The following CLHC1 variants were observed in gnomAD, a reference collection of about 807,000 sequenced individuals.
The protein encoded by CLHC1 is clathrin heavy chain linker domain-containing protein 1.
A neutral mutation model predicts 69.5 loss-of-function variants in CLHC1; 72 were observed. The ratio of observed to expected loss-of-function variants is 1.04; its 90% CI spans 0.86 to 1.26. CLHC1 has a LOEUF of 1.26. CLHC1 is among the 50% of genes most tolerant of loss of function. CLHC1 has a pLI of 0.00. For synonymous variants in CLHC1, 223 were observed against 224.3 expected (o/e 0.99, Z 0.05); for missense variants, 790 against 679.3 (o/e 1.16, Z -1.81).
At chr2:55,229,209 C>T (rs1226406395) in intron 1 of CLHC1, among the ~76,000 whole-genome samples, 1 of 143,102 alleles carries the variant, frequency 7.0e-6, no homozygotes. Context: ...TATAGTATGA[C>T]AGATAGGGGT....
intron 2 of CLHC1, among the ~76,000 whole-genome samples, chr2:55,227,677 C>CAA (rs372124703): frequency 0.43 from 54,343 of 127,270 alleles, 13,553 homozygotes; most frequent in East Asian, 0.56. Flanking sequence ...GACTCCATCT[C>CAA]AAAAAAAAAA....
chr2:55,217,584 T>TATATAC (rs1327305309), intron 4 of CLHC1, among the ~76,000 whole-genome samples: 4 of 96,268 alleles, frequency 4.2e-5, no homozygotes, highest in Admixed American at 1.3e-4. Context: ...TATATATATA[T>TATATAC]ACTAAGAGGT....
In CLHC1 at chr2:55,212,742, T is replaced by C; in HGVS notation, c.430A>G (p.Arg144Gly). The change falls in exon 5 of 13, where the codon AGG (arginine) becomes GGG (glycine). Residue 144 changes from arginine to glycine, a missense_variant. By Grantham distance (125) the Arg-to-Gly change is moderately radical. Coordinates refer to ENST00000401408, the MANE Select transcript of CLHC1 (RefSeq NM_152385.4). ...QSQIDHIKQC[R>G]AEYDTKEVKY... ...ACTTCTTTTGTGTCATACTCTGCCC[T>C]ACACTGCTTGATGTGATCTATTTGA... is the stretch of plus-strand genomic sequence containing the variant. 1.3e-6 allele frequency: 2 copies of C among 1,596,452 alleles called. No individual in the cohort carries two copies. Among genetic ancestry groups the C allele is most frequent in the Non-Finnish European group, 1.7e-6 (2 of 1,163,962 alleles).
intron 4 of CLHC1, among the ~76,000 whole-genome samples, chr2:55,214,143 G>C (rs967028827): frequency 6.6e-6 from 1 of 152,170 alleles, no homozygotes; most frequent in African/African-American, 2.4e-5. Flanking sequence ...GGGTTCAGGA[G>C]AGCCTGAGTA....
intron 11 of CLHC1, among the ~76,000 whole-genome samples, 177 bp downstream of exon 11, chr2:55,180,333 G>A (rs908679111): frequency 1.1e-4 from 16 of 152,000 alleles, no homozygotes; most frequent in African/African-American, 2.9e-4. Context: ...CAGCATGAAA[G>A]CCAATCAGCT....
chr2:55,215,690 C>T (rs1443237513), intron 4 of CLHC1, among the ~76,000 whole-genome samples: 1 of 152,072 alleles, frequency 6.6e-6, no homozygotes, highest in Middle Eastern at 3.4e-3. Context: ...CCAGGTGGAG[C>T]GATCTTGGGC....
Position 55,175,860 on chromosome 2 carries a change from G to C in CLHC1, c.1691C>G (p.Ser564Cys). The C allele has an allele frequency of 6.2e-7, 1 of 1,614,026 alleles. No homozygotes were observed. Among genetic ancestry groups the C allele is most frequent in the Non-Finnish European group, 8.5e-7 (1 of 1,179,934 alleles). ...LSNDITSILRSQAAVTEISEE... is the reference protein window; with the variant it reads ...LSNDITSILRCQAAVTEISEE... ...AGAAATTTCTGTAACTGCAGCCTGA[G>C]ATCGAAGAATAGACGTGATGTCATT... The change falls in exon 13 of 13, where the codon TCT becomes TGT. Residue 564 changes from serine (S) to cysteine (C), a missense_variant. By Grantham distance (112) the Ser-to-Cys change is moderately radical (BLOSUM62 -1). Coordinates refer to ENST00000401408, the MANE Select transcript of CLHC1 (RefSeq NM_152385.4).
At position 55,209,533 on chromosome 2, in the gene CLHC1, C is replaced by T. The variant is rs370743450; in HGVS notation, c.702-17G>A. 1.8e-5 allele frequency: 29 copies of T among 1,580,888 alleles called. No homozygotes were observed. The highest frequency in any genetic ancestry group is 8.0e-5 in the South Asian group (7 of 87,980). On this transcript the variant is annotated splice_polypyrimidine_tract_variant and intron_variant, in intron 6 of 12. Transcript: ENST00000401408. ...CTTTGATGACTAAAAAGATAAAAAACGTCAATAACACACTGAGCCTAAAAT... is the reference window on the plus strand; with the variant it reads ...CTTTGATGACTAAAAAGATAAAAAATGTCAATAACACACTGAGCCTAAAAT...
Position 55,206,385 on chromosome 2 carries a change from A to G in CLHC1, c.900-9T>C, listed in dbSNP as rs762327465. On this transcript the variant is annotated splice_polypyrimidine_tract_variant and intron_variant, in intron 8 of 12. Coordinates refer to ENST00000401408, the MANE Select transcript of CLHC1 (RefSeq NM_152385.4). ...AGATTAACTCATTAAACCTATAGCC[A>G]TCACATTTTAAAATGCATTATAATG... 1.3e-5 allele frequency: 20 copies of G among 1,484,712 alleles called. No homozygotes were observed. Among genetic ancestry groups the G allele is most frequent in the Non-Finnish European group, 1.7e-5 (18 of 1,064,738 alleles). 92.0% of individuals were successfully genotyped at this position (1,484,712 alleles called of 1,614,324 possible).
At position 55,222,395 on chromosome 2, in the gene CLHC1, A is replaced by G. The variant is rs752311431; in HGVS notation, c.17T>C (p.Ile6Thr). Residue 6 changes from isoleucine (I) to threonine (T), a missense_variant, in exon 3 of 13, where the codon ATA becomes ACA. Physicochemically the swap from Ile to Thr is moderately conservative, Grantham distance 89 (BLOSUM62 -1). Coordinates refer to ENST00000401408, the MANE Select transcript of CLHC1 (RefSeq NM_152385.4). MSVHQ[I>T]RKHAVLPPII... The stretch of plus-strand genomic sequence containing the variant: ...AGGTGGGAGAACTGCATGTTTTCTT[A>G]TTTGATGAACTGACATATTTGACAA... 6.2e-7 allele frequency: 1 copy of G among 1,613,280 alleles called. No homozygotes were observed. Among genetic ancestry groups the G allele is most frequent in the South Asian group, 1.1e-5 (1 of 91,028 alleles).
chr2:55,209,874 G>A, intron 5 of CLHC1, 43 bp from the exon 6 acceptor site: 1 of 1,309,044 alleles, frequency 7.6e-7, no homozygotes, highest in Admixed American at 1.8e-5. Context: ...AGCCATGTGT[G>A]GGACGCTTGT....
chr2:55,211,649 T>A (rs1010505077), intron 5 of CLHC1, among the ~76,000 whole-genome samples: 1 of 152,074 alleles, frequency 6.6e-6, no homozygotes, highest in African/African-American at 2.4e-5. Context: ...AAATCTGGCT[T>A]CCTAAAATTT....
chr2:55,215,180 T>C (rs933030541), intron 4 of CLHC1: 1 of 152,220 alleles, frequency 6.6e-6, no homozygotes, highest in Non-Finnish European at 1.5e-5. Context: ...ACTGGCCAGA[T>C]GTTGAGATGG....
Position 55,175,916 on chromosome 2 carries a change from T to A in CLHC1, c.1635A>T (p.Ile545=). ...SIEKWQEVAN[I]CSQNGFDKLS... is the part of the protein sequence containing the mutation. ...ATTTGTCAAAGCCATTCTGTGAACA[T>A]ATATTTGCCACTTCTTGCCACTTTT... Residue 545 remains isoleucine, a synonymous_variant, in exon 13 of 13, where the codon ATA becomes ATT. Transcript: ENST00000401408. The A allele has an allele frequency of 6.2e-7, 1 of 1,614,016 alleles. No individual in the cohort carries two copies. The highest frequency in any genetic ancestry group is 1.1e-5 in the South Asian group (1 of 91,078).
chr2:55,185,726 T>C (rs948529512), intron 9 of CLHC1, among the ~76,000 whole-genome samples: 9 of 152,216 alleles, frequency 5.9e-5, no homozygotes, highest in Admixed American at 2.6e-4. Flanking sequence ...CTTTATCTCA[T>C]TGAAAGGATT....
In CLHC1 at chr2:55,217,957, T is replaced by G. The variant is rs777022153; in HGVS notation, c.219A>C (p.Ser73=). ...TAAAGGCATCATATTCTTTTTTGAT[T>G]GAAGTAAGAATGGATTTGTATGCAG... is the stretch of plus-strand genomic sequence containing the variant. ...HITAYKSILT[S]IKKEYDAFIE... The change falls in exon 4 of 13, where the codon TCA becomes TCC. Residue 73 remains serine (S), a synonymous_variant. Coordinates refer to ENST00000401408, the MANE Select transcript of CLHC1 (RefSeq NM_152385.4). 1.5e-5 allele frequency: 23 copies of G among 1,585,254 alleles called. No individual in the cohort carries two copies. Among genetic ancestry groups the G allele is most frequent in the Non-Finnish European group, 1.9e-5 (22 of 1,165,806 alleles).
intron 1 of CLHC1, among the ~76,000 whole-genome samples, chr2:55,231,657 T>C (rs1378336626): frequency 6.6e-6 from 1 of 152,192 alleles, no homozygotes; most frequent in Non-Finnish European, 1.5e-5. Flanking sequence ...GAAAGGACTC[T>C]GGTTTGTGGA....
chr2:55,211,896 A>G (rs1010817096), intron 5 of CLHC1, among the ~76,000 whole-genome samples: 3 of 152,242 alleles, frequency 2.0e-5, no homozygotes, highest in Admixed American at 6.5e-5. Context: ...TGACATCAAC[A>G]TGAATCAACA....
intron 1 of CLHC1, among the ~76,000 whole-genome samples, chr2:55,229,150 CAAA>C (rs34823201): frequency 9.2e-6 from 1 of 108,254 alleles, no homozygotes; most frequent in Non-Finnish European, 1.8e-5. Flanking sequence ...GATTCTGTCT[CAAA>C]AAAAAAAAAA....
Sources: allele counts gnomAD v4.1 joint callset (sites outside exome capture counted in the v4.1 genomes callset), GRCh38; gene constraint gnomAD v4.1.1; transcripts MANE v1.5; gene names NCBI Gene and HGNC (gene_info 2026-07-23, HGNC 2026-07-21).